AVEN: variants seen among roughly 807,000 people sequenced by gnomAD.
The protein encoded by AVEN is cell death regulator Aven.
Under a neutral mutation model 38.1 loss-of-function variants are expected in AVEN, and 41 were observed. That is an observed-to-expected ratio of 1.08 (90% CI 0.84 to 1.40). The LOEUF (loss-of-function observed/expected upper bound fraction) is 1.40, where lower values mean the gene tolerates loss of function less well. Among genes scored for constraint, AVEN ranks in the 40% most tolerant of loss-of-function variants. The pLI is 0.00. For synonymous variants in AVEN, 206 were observed against 171.8 expected, an observed-to-expected ratio of 1.20 and a Z score of -1.56; for missense variants, 605 against 438.8, an observed-to-expected ratio of 1.38 and a Z score of -3.38.
intron 2 of AVEN, among the ~76,000 whole-genome samples, chr15:33,992,947 A>C (rs1415451096): frequency 6.6e-6 from 1 of 152,218 alleles, no homozygotes; most frequent in Non-Finnish European, 1.5e-5. Flanking sequence ...ATACTGACCA[A>C]ACTGCAGTCT....
intron 2 of AVEN, among the ~76,000 whole-genome samples, chr15:33,880,380 G>C (rs1332242272): frequency 6.6e-6 from 1 of 152,166 alleles, no homozygotes; most frequent in Non-Finnish European, 1.5e-5. Flanking sequence ...CAACCCAGGA[G>C]GTTGTAAAGC....
chr15:33,917,393 C>CT (rs1427806879), intron 2 of AVEN, among the ~76,000 whole-genome samples: 1 of 2,574 alleles, frequency 3.9e-4, no homozygotes, highest in Non-Finnish European at 1.6e-3. Context: ...CACACACACA[C>CT]ACACATGGAA....
At chr15:34,042,393 T>C (rs1257482835), upstream of AVEN, among the ~76,000 whole-genome samples, 1 of 149,890 alleles carries the variant, frequency 6.7e-6, no homozygotes, top group Non-Finnish European at 1.5e-5. Context: ...ATACATGACC[T>C]AAGTTTTTTT....
chr15:33,917,335 T>A (rs2153046783), intron 2 of AVEN, among the ~76,000 whole-genome samples: 1 of 147,862 alleles, frequency 6.8e-6, no homozygotes, highest in Middle Eastern at 3.6e-3. Flanking sequence ...AATTAATGAA[T>A]GGATAAAGAA....
At chr15:34,017,811 C>G (rs565948257) in intron 1 of AVEN, among the ~76,000 whole-genome samples, 2 of 152,230 alleles carry the variant, frequency 1.3e-5, no homozygotes, top group South Asian at 2.1e-4. Flanking sequence ...TTATTAAAAA[C>G]TCCATTGTCT....
At chr15:34,023,685 C>T (rs2078679420) in intron 1 of AVEN, among the ~76,000 whole-genome samples, 1 of 152,184 alleles carries the variant, frequency 6.6e-6, no homozygotes, top group Admixed American at 6.5e-5. Flanking sequence ...GCCTCTGTTG[C>T]TTGCCATCCC....
chr15:34,000,487 C>T lies in AVEN; in HGVS notation c.445+2545G>A, dbSNP rs1007719613. ...ACTCTCTCATCTTTACCGTGGAAAGCAATTTGGCAATATCTAGAAAAGTTT... is the reference window on the plus strand; with the variant it reads ...ACTCTCTCATCTTTACCGTGGAAAGTAATTTGGCAATATCTAGAAAAGTTT... On this transcript the variant is annotated intron_variant, in intron 2 of 5. Coordinates refer to ENST00000306730, the MANE Select transcript of AVEN (RefSeq NM_020371.3). Among the ~76,000 whole-genome samples, 5 of 152,180 alleles carry T rather than the reference C, an allele frequency of 3.3e-5. No homozygotes were observed. In the East Asian group the frequency reaches 7.7e-4, roughly 23 times the overall value.
At position 33,933,506 on chromosome 15, in the gene AVEN, CACACACACACACACACACAGA is replaced by C. The variant is rs1256276889; in HGVS notation, c.446-57532_446-57512del. ...CCTCCAACAATCACACACACACACA[CACACACACACACACACACAGA>C]GAGAGAGAGAGAGAGAGAGAGAGAG... On this transcript the variant is annotated intron_variant, in intron 2 of 5. Coordinates refer to ENST00000306730, the MANE Select transcript of AVEN (RefSeq NM_020371.3). 5.9e-4 allele frequency among the ~76,000 whole-genome samples: 70 copies of C among 118,486 alleles called. 1 individual carries two copies. The highest frequency in any genetic ancestry group is 1.1e-3 in the Non-Finnish European group (62 of 56,704). 77.7% of individuals were successfully genotyped at this position (118,486 alleles called of 152,430 possible).
intron 3 of AVEN, among the ~76,000 whole-genome samples, chr15:33,875,544 C>T (rs957802906): frequency 4.6e-5 from 7 of 152,174 alleles, no homozygotes; most frequent in African/African-American, 1.7e-4. Context: ...TAAGGGTTTT[C>T]TCAACCTAAC....
At chr15:33,997,339 T>C (rs1896976750) in intron 2 of AVEN, among the ~76,000 whole-genome samples, 1 of 151,872 alleles carries the variant, frequency 6.6e-6, no homozygotes, top group Admixed American at 6.6e-5. Context: ...AGAAACAAAA[T>C]AGCCAAATGG....
At chr15:34,068,897 C>T (rs995776135) in intron 2 of AVEN, among the ~76,000 whole-genome samples, 3 of 149,708 alleles carry the variant, frequency 2.0e-5, no homozygotes, top group East Asian at 2.0e-4. Flanking sequence ...CTGCAAGGTC[C>T]GCCTCCCGGG....
intron 3 of AVEN, among the ~76,000 whole-genome samples, chr15:33,874,002 G>T (rs1028179951): frequency 6.6e-6 from 1 of 151,870 alleles, no homozygotes. Context: ...CTCCTAATCG[G>T]TTTCCCTGCC....
At chr15:33,896,172 A>C (rs1166601484) in intron 2 of AVEN, among the ~76,000 whole-genome samples, 1 of 152,246 alleles carries the variant, frequency 6.6e-6, no homozygotes, top group East Asian at 1.9e-4. Context: ...GACTGCACTC[A>C]ACAAGGTAAA....
At chr15:33,901,378 A>G (rs1226274853) in intron 2 of AVEN, among the ~76,000 whole-genome samples, 1 of 152,236 alleles carries the variant, frequency 6.6e-6, no homozygotes, top group Admixed American at 6.5e-5. Context: ...ACACGTGCAT[A>G]CACACGCACA....
Position 33,870,917 on chromosome 15 carries a change from G to C in AVEN, c.612+18C>G, listed in dbSNP as rs926657944. 3 of 1,598,142 alleles carry C rather than the reference G, an allele frequency of 1.9e-6. No homozygotes were observed. Among genetic ancestry groups the C allele is most frequent in the Non-Finnish European group, 2.6e-6 (3 of 1,166,976 alleles). ...CTGCCCTAATCCACCCGCTTCAAGA[G>C]GGCTTCGGGATTTTTACCTGGACCA... On this transcript the variant is annotated intron_variant, in intron 4 of 5. Coordinates refer to ENST00000306730, the MANE Select transcript of AVEN (RefSeq NM_020371.3).
intron 11 of AVEN, chr15:33,859,565 TC>T (rs1208787433): frequency 6.2e-7 from 1 of 1,613,458 alleles, no homozygotes; most frequent in East Asian, 2.2e-5. Context: ...CCCTTATTTT[TC>T]TTCTCTAGTG....
intron 2 of AVEN, among the ~76,000 whole-genome samples, chr15:33,948,217 C>A (rs1393909152): frequency 6.6e-6 from 1 of 151,914 alleles, no homozygotes; most frequent in African/African-American, 2.4e-5. Flanking sequence ...CTGCCTCGCC[C>A]TCCTGAGTAG....
At position 33,894,090 on chromosome 15, in the gene AVEN, C is replaced by T. The variant is rs547832306; in HGVS notation, c.446-18095G>A. ...TCAGCCTCTCCAGTAGCTGGGACTA[C>T]AAGTCAGCACAACCACACCCGGCTA... On this transcript the variant is annotated intron_variant, in intron 2 of 5. Coordinates refer to ENST00000306730, the MANE Select transcript of AVEN (RefSeq NM_020371.3). Among the ~76,000 whole-genome samples, 8 of 151,950 alleles carry T rather than the reference C, an allele frequency of 5.3e-5. No individual in the cohort carries two copies. In the South Asian group the frequency reaches 1.0e-3, roughly 20 times the overall value.
chr15:34,016,678 A>G (rs1224432267), intron 1 of AVEN, among the ~76,000 whole-genome samples: 1 of 152,228 alleles, frequency 6.6e-6, no homozygotes, highest in Non-Finnish European at 1.5e-5. Context: ...GGAGTATGTA[A>G]TCAGAAACAA....
Sources: gnomAD v4.1 joint callset for allele counts (sites outside exome capture counted in the v4.1 genomes callset) on GRCh38, gnomAD v4.1.1 for gene constraint, MANE v1.5 for transcripts, NCBI Gene and HGNC (gene_info 2026-07-23, HGNC 2026-07-21) for gene names.